The following OPA3 variants were observed in gnomAD, a reference collection of about 807,000 sequenced individuals.
OPA3 encodes optic atrophy 3 protein.
In OPA3, 6 loss-of-function variants were observed where a neutral mutation model predicts 4.0. The ratio of observed to expected loss-of-function variants is 1.51; its 90% CI spans 0.83 to 2.99. The LOEUF (loss-of-function observed/expected upper bound fraction) is 2.99. OPA3 is among the 30% of genes most tolerant of loss of function. The pLI is 0.00. For synonymous variants in OPA3, 105 were observed against 117.1 expected, an observed-to-expected ratio of 0.90 and a Z score of 0.67; for missense variants, 235 against 256.2, an observed-to-expected ratio of 0.92 and a Z score of 0.56.
chr19:45,563,362 GT>G (rs1434039606), intron 1 of OPA3, among the ~76,000 whole-genome samples: 1 of 151,574 alleles, frequency 6.6e-6, no homozygotes, highest in Non-Finnish European at 1.5e-5. Flanking sequence ...GTTTCACCGT[GT>G]TAGCCAGGAT....
chr19:45,578,752 G>A (rs1228648551), intron 1 of OPA3, among the ~76,000 whole-genome samples: 4 of 152,112 alleles, frequency 2.6e-5, no homozygotes, highest in South Asian at 2.1e-4. Context: ...ACTTGAACCC[G>A]GGAGGCGGAA....
intron 1 of OPA3, among the ~76,000 whole-genome samples, chr19:45,576,598 C>T (rs1042583835): frequency 1.3e-5 from 2 of 149,816 alleles, no homozygotes; most frequent in Non-Finnish European, 3.0e-5. Context: ...AAGGTGTCCG[C>T]AGGGCTGTGT....
intron 1 of OPA3, among the ~76,000 whole-genome samples, chr19:45,572,335 A>G (rs1969682867): frequency 7.2e-6 from 1 of 138,360 alleles, no homozygotes; most frequent in Non-Finnish European, 1.6e-5. Flanking sequence ...ATATCGATAT[A>G]TATCTCATAT....
chr19:45,577,341 G>A (rs552707152), intron 1 of OPA3, among the ~76,000 whole-genome samples: 22 of 152,312 alleles, frequency 1.4e-4, no homozygotes, highest in African/African-American at 3.8e-4. Flanking sequence ...AGCTCAGGAC[G>A]CCTGACCTGA....
Position 45,539,565 on chromosome 19 carries a change from C to G in OPA3, c.143-10109G>C, listed in dbSNP as rs986334180. On this transcript the variant is annotated intron_variant, in intron 1 of 1. Transcript: ENST00000323060. ...CTCCTGACCTCAAGCTATCCACCCA[C>G]TTCTGTCTCCCAAAGTGCTGGGATT... is the stretch of plus-strand genomic sequence containing the variant. 3.9e-5 allele frequency among the ~76,000 whole-genome samples: 6 copies of G among 152,144 alleles called. No homozygotes were observed. The East Asian group carries it at 9.6e-4, about 24-fold the overall frequency.
In OPA3 at chr19:45,553,720, CCTT is replaced by C. The variant is rs1353357190; in HGVS notation, c.331_333del (p.Lys111del). The C allele has an allele frequency of 6.2e-7, 1 of 1,609,960 alleles. No homozygotes were observed. The highest frequency in any genetic ancestry group is 8.5e-7 in the Non-Finnish European group (1 of 1,179,464). ...TTCCAGGCAGCACGCTGCTCCTCCT[CCTT>C]GTGGCGCTGCTGCGCCTGGTGGCGC... On this transcript the variant is annotated inframe_deletion, in exon 2 of 2. Coordinates refer to ENST00000263275, the MANE Select transcript of OPA3 (RefSeq NM_025136.4).
chr19:45,558,010 C>A (rs569747109), intron 1 of OPA3, among the ~76,000 whole-genome samples: 2 of 152,142 alleles, frequency 1.3e-5, no homozygotes, highest in South Asian at 2.1e-4. Flanking sequence ...TTGTCCCCCA[C>A]GCAGCAATCA....
intron 1 of OPA3, among the ~76,000 whole-genome samples, chr19:45,568,931 A>G (rs1357470280): frequency 6.6e-6 from 1 of 152,132 alleles, no homozygotes. Flanking sequence ...GAGAGCAAGG[A>G]TCTTTGTTCT....
chr19:45,572,598 G>A (rs1447129699), intron 1 of OPA3, among the ~76,000 whole-genome samples: 1 of 94,082 alleles, frequency 1.1e-5, no homozygotes, highest in Non-Finnish European at 2.4e-5. Context: ...TATATATATT[G>A]ATATATATCA....
chr19:45,584,570 T>A lies in OPA3; in HGVS notation c.142+53A>T. 4 of 1,613,232 alleles carry A rather than the reference T, an allele frequency of 2.5e-6. No individual in the cohort carries two copies. The Admixed American group carries it at 5.0e-5, about 20-fold the overall frequency. On this transcript the variant is annotated intron_variant, in intron 1 of 1. Coordinates refer to ENST00000263275, the MANE Select transcript of OPA3 (RefSeq NM_025136.4). ...GAAGTCCATCCCCTAAGCAACCACC[T>A]GACAGGGGTTGGAGAAAGGAAAAAG... is the stretch of plus-strand genomic sequence containing the variant.
In OPA3 at chr19:45,550,513, C is replaced by T; in HGVS notation, c.*3001G>A. On this transcript the variant is annotated 3_prime_UTR_variant, in exon 2 of 2. Coordinates refer to ENST00000263275, the MANE Select transcript of OPA3 (RefSeq NM_025136.4). ...AGCCTCTGCTCAGCCATCGCCTCTC[C>T]CTCCTCACTCTGCAGCTGGGGTAAT... 1.0e-6 allele frequency: 1 copy of T among 986,714 alleles called. No homozygotes were observed. Among genetic ancestry groups the T allele is most frequent in the Non-Finnish European group, 1.2e-6 (1 of 830,982 alleles). 61.1% of individuals were successfully genotyped at this position (986,714 alleles called of 1,614,324 possible). A position where few individuals can be genotyped will look rare whatever the true frequency, so the allele number is the denominator to read the frequency against.
In OPA3 at chr19:45,549,869, T is replaced by G; in HGVS notation, c.*3645A>C. ...CCTCTTCCAGAAGGAACTGAAATGC[T>G]GTTTCAGGCCAGGCGCGGTGGCTCA... On this transcript the variant is annotated 3_prime_UTR_variant, in exon 2 of 2. Coordinates refer to ENST00000263275, the MANE Select transcript of OPA3 (RefSeq NM_025136.4). 1.0e-6 allele frequency: 1 copy of G among 985,480 alleles called. No individual in the cohort carries two copies. The highest frequency in any genetic ancestry group is 1.2e-6 in the Non-Finnish European group (1 of 830,086). 61.0% of individuals were successfully genotyped at this position (985,480 alleles called of 1,614,324 possible).
intron 1 of OPA3, among the ~76,000 whole-genome samples, chr19:45,575,041 C>T (rs529870006): frequency 6.6e-6 from 1 of 152,278 alleles, no homozygotes; most frequent in East Asian, 1.9e-4. Context: ...AGCAAAAGAA[C>T]TGTCCGGCTG....
At chr19:45,529,033 C>T in exon 2 of OPA3, 1 of 1,594,170 alleles carries the variant, frequency 6.3e-7, no homozygotes, top group Non-Finnish European at 8.5e-7. Flanking sequence ...CAGTCACCTC[C>T]AAGACCAGGG....
At chr19:45,542,659 T>A (rs1253519087), downstream of OPA3, among the ~76,000 whole-genome samples, 2 of 123,002 alleles carry the variant, frequency 1.6e-5, no homozygotes, top group Non-Finnish European at 3.3e-5. Flanking sequence ...ACTTCACTGT[T>A]TTTTTGTTTT....
chr19:45,553,559 A>G lies in OPA3; in HGVS notation c.495T>C (p.Asn165=). 6.2e-7 allele frequency: 1 copy of G among 1,613,264 alleles called. No individual in the cohort carries two copies. Among genetic ancestry groups the G allele is most frequent in the South Asian group, 1.1e-5 (1 of 91,084 alleles). Residue 165 remains asparagine (N), a synonymous_variant, in exon 2 of 2, where the codon AAT becomes AAC. Coordinates refer to ENST00000263275, the MANE Select transcript of OPA3 (RefSeq NM_025136.4). ...ELQEVRAQLC[N]PGRSASHAVP... is the part of the protein sequence containing the mutation. ...CTGCGTGGGAAGCGGACCGGCCGGGATTGCAGAGCTGGGCGCGCACCTCTT... is the reference window on the plus strand; with the variant it reads ...CTGCGTGGGAAGCGGACCGGCCGGGGTTGCAGAGCTGGGCGCGCACCTCTT...
downstream of OPA3, among the ~76,000 whole-genome samples, chr19:45,543,483 A>G (rs534217612): frequency 5.9e-5 from 9 of 151,298 alleles, no homozygotes; most frequent in Non-Finnish European, 1.3e-4. Context: ...ACCACGCCTA[A>G]TTTTTGCATT....
intron 1 of OPA3, among the ~76,000 whole-genome samples, chr19:45,571,060 T>A (rs2122490060): frequency 6.6e-6 from 1 of 152,198 alleles, no homozygotes; most frequent in African/African-American, 2.4e-5. Context: ...TGTATGTTTT[T>A]AAATGCATAT....
At chr19:45,528,655 GAC>G (rs1487785336) in exon 2 of OPA3, 1 of 206,380 alleles carries the variant, frequency 4.8e-6, no homozygotes, top group African/African-American at 2.4e-5. Context: ...GGGTGCGGGT[GAC>G]AGAATGAGAG....
Sources: allele counts gnomAD v4.1 joint callset (sites outside exome capture counted in the v4.1 genomes callset), GRCh38; gene constraint gnomAD v4.1.1; transcripts MANE v1.5; gene names NCBI Gene and HGNC (gene_info 2026-07-23, HGNC 2026-07-21).